Variants in SMURF2 observed in about 807,000 individuals in gnomAD.
SMURF2 encodes the protein E3 ubiquitin-protein ligase SMURF2.
In SMURF2, 48 loss-of-function variants were observed where a neutral mutation model predicts 109.6. The ratio of observed to expected loss-of-function variants is 0.44; its 90% confidence interval spans 0.35 to 0.56. The LOEUF is 0.56. SMURF2 is among the 20% of genes least tolerant of loss of function. The pLI is 0.01. For synonymous variants in SMURF2, 288 were observed against 317.1 expected (o/e 0.91, Z 0.97); for missense variants, 575 against 909.0 (o/e 0.63, Z 4.72).
chr17:64,653,906 G>C (rs1598318998), intron 1 of SMURF2, among the ~76,000 whole-genome samples: 2 of 152,212 alleles, frequency 1.3e-5, no homozygotes, highest in East Asian at 3.9e-4. Flanking sequence ...GGAATGAAAA[G>C]GAACAAAGTA....
chr17:64,590,315 G>T (rs9915866), intron 5 of SMURF2, among the ~76,000 whole-genome samples: 8,010 of 151,570 alleles, frequency 0.053, 365 homozygotes, highest in African/African-American at 0.12. Context: ...CTCATTTTTT[G>T]TATTTTTAGT....
intron 2 of SMURF2, among the ~76,000 whole-genome samples, chr17:64,602,868 T>A (rs1969916768): frequency 1.3e-5 from 2 of 151,820 alleles, no homozygotes; most frequent in African/African-American, 4.8e-5. Flanking sequence ...GAGGTTGCAG[T>A]GAGTCGAGAT....
intron 10 of SMURF2, among the ~76,000 whole-genome samples, chr17:64,563,524 A>G (rs1292222795): frequency 6.6e-6 from 1 of 152,252 alleles, no homozygotes; most frequent in Non-Finnish European, 1.5e-5. Flanking sequence ...AAAACAGATT[A>G]CCGTGTACAT....
At chr17:64,655,430 G>A (rs1164217388) in intron 1 of SMURF2, among the ~76,000 whole-genome samples, 1 of 150,652 alleles carries the variant, frequency 6.6e-6, no homozygotes, top group African/African-American at 2.4e-5. Context: ...ACTAATTTTT[G>A]TATTATTAGT....
At chr17:64,630,844 T>G (rs1970329038) in intron 1 of SMURF2, among the ~76,000 whole-genome samples, 1 of 152,114 alleles carries the variant, frequency 6.6e-6, no homozygotes, top group South Asian at 2.1e-4. Context: ...GCCCTACTTT[T>G]CAACCAGCAC....
At chr17:64,644,455 G>A (rs955875893) in intron 1 of SMURF2, among the ~76,000 whole-genome samples, 3 of 150,816 alleles carry the variant, frequency 2.0e-5, no homozygotes, top group Non-Finnish European at 4.4e-5. Context: ...AATTAGCCAA[G>A]TATGGTGGCA....
chr17:64,547,821 T>A lies in SMURF2; in HGVS notation c.1870-20A>T, dbSNP rs141901854. ...AATGAGCTGTGAAAATAGTACACAG[T>A]AATGAACCTGTGGAAACCACAGCCA... On this transcript the variant is annotated intron_variant, in intron 16 of 18. Transcript: ENST00000262435. This position sits in a 1 kb window ranked among gnomAD's most constrained non-coding sequence, Gnocchi z 4.2. 1 of 1,611,242 alleles carries A rather than the reference T, an allele frequency of 6.2e-7. No individual in the cohort carries two copies. Among genetic ancestry groups the A allele is most frequent in the Non-Finnish European group, 8.5e-7 (1 of 1,177,502 alleles).
intron 3 of SMURF2, 94 bp downstream of exon 3, chr17:64,598,288 G>T: frequency 8.9e-7 from 1 of 1,128,498 alleles, no homozygotes; most frequent in Non-Finnish European, 1.2e-6. Context: ...TTATACCACA[G>T]ATGAAACCCA....
rs201869437 is a variant in SMURF2, at chr17:64,552,357, GA to G, written c.1749-654del. Among the ~76,000 whole-genome samples the G allele has an allele frequency of 4.2e-3, 639 of 152,250 alleles. 10 individuals are homozygous for G. The highest frequency in any genetic ancestry group is 0.034 in the Admixed American group (518 of 15,282). ...GAATTGTTTTTATTTATCTACCCAA[GA>G]AAACTTCTCCATCTCATGCATCACA... On this transcript the variant is annotated intron_variant, in intron 15 of 18. Transcript: ENST00000262435.
chr17:64,658,256 C>T (rs1442071084), intron 1 of SMURF2, among the ~76,000 whole-genome samples: 52 of 152,136 alleles, frequency 3.4e-4, no homozygotes, highest in South Asian at 2.1e-4. Flanking sequence ...ACTCGGGAGG[C>T]TGAGGCAGGA....
rs782546981 is a variant in SMURF2, at chr17:64,545,890, CAGCTTTTCATAT to C, written c.2193_2204del (p.Tyr732_Leu735del). The C allele has an allele frequency of 3.1e-6, 5 of 1,612,742 alleles. No individual in the cohort carries two copies. Among genetic ancestry groups the C allele is most frequent in the South Asian group, 1.1e-5 (1 of 91,046 alleles). On this transcript the variant is annotated inframe_deletion, in exon 19 of 19. Transcript: ENST00000262435. Reference sequence around the variant, plus strand: ...CACATGTTTCTTCAATGGCTGTTAGCAGCTTTTCATATAGCTTTTCATAGCTTTCATAGGGTG... The same window carrying C: ...CACATGTTTCTTCAATGGCTGTTAGCAGCTTTTCATAGCTTTCATAGGGTG...
rs782057854 is a variant in SMURF2, at chr17:64,576,873, CTTTTTTTTTTTTTTT to C, written c.857+1604_857+1618del. On this transcript the variant is annotated intron_variant, in intron 9 of 18. Transcript: ENST00000262435. The stretch of plus-strand genomic sequence containing the variant: ...CCCAGGTCAATTTTCTTTTTCTATC[CTTTTTTTTTTTTTTT>C]TTTTTTTTTTTGAGACGGGTCTCGT... 5.9e-3 allele frequency among the ~76,000 whole-genome samples: 479 copies of C among 81,544 alleles called. 3 individuals carry two copies. The highest frequency in any genetic ancestry group is 0.028 in the African/African-American group (461 of 16,368). 53.5% of individuals were successfully genotyped at this position (81,544 alleles called of 152,430 possible).
intron 1 of SMURF2, among the ~76,000 whole-genome samples, chr17:64,631,380 A>G (rs1555691588): frequency 6.6e-6 from 1 of 151,014 alleles, no homozygotes; most frequent in African/African-American, 2.4e-5. Context: ...ACAAGAGCAG[A>G]CTACTCTTTG....
At chr17:64,573,593 A>C (rs1390760408) in intron 9 of SMURF2, among the ~76,000 whole-genome samples, 4 of 152,080 alleles carry the variant, frequency 2.6e-5, no homozygotes, top group Non-Finnish European at 5.9e-5. Flanking sequence ...AAGTTCCAAG[A>C]ATTCTCCTCA....
intron 1 of SMURF2, among the ~76,000 whole-genome samples, chr17:64,661,075 A>ACC (rs550347856): frequency 1.3e-5 from 2 of 150,880 alleles, no homozygotes; most frequent in African/African-American, 4.9e-5. Flanking sequence ...TTAGCAATGC[A>ACC]CCCCCCCCAA....
chr17:64,606,696 C>T, intron 1 of SMURF2, 56 bp from the exon 2 acceptor site: 1 of 1,269,248 alleles, frequency 7.9e-7, no homozygotes. Context: ...TAAGAGTGTA[C>T]TGTTACATTT....
intron 1 of SMURF2, among the ~76,000 whole-genome samples, chr17:64,623,652 G>T (rs1355914334): frequency 6.6e-6 from 1 of 152,138 alleles, no homozygotes; most frequent in Non-Finnish European, 1.5e-5. Context: ...CTATAATGGC[G>T]TATTGCCATT....
chr17:64,578,615 A>T (rs371503163), intron 8 of SMURF2, 39 bp from the exon 9 acceptor site: 151 of 1,398,714 alleles, frequency 1.1e-4, no homozygotes, highest in Non-Finnish European at 1.5e-4. Context: ...AAACATTCAG[A>T]GTGTCCAGAT....
In SMURF2 at chr17:64,561,538, A is replaced by C; in HGVS notation, c.1278T>G (p.Phe426Leu). 6.2e-7 allele frequency: 1 copy of C among 1,614,062 alleles called. No individual in the cohort carries two copies. The highest frequency in any genetic ancestry group is 8.5e-7 in the Non-Finnish European group (1 of 1,180,016). ...KDLWKRLMIK[F>L]RGEEGLDYGG... The stretch of plus-strand genomic sequence containing the variant: ...CATAGTCAAGGCCTTCTTCTCCACG[A>C]AATTTTATCATTAATCGCTTCCAGA... The change falls in exon 12 of 19, where the codon TTT becomes TTG. Residue 426 changes from phenylalanine (F) to leucine (L), a missense_variant. Coordinates refer to ENST00000262435, the MANE Select transcript of SMURF2 (RefSeq NM_022739.4).
Sources: gnomAD v4.1 joint callset for allele counts (sites outside exome capture counted in the v4.1 genomes callset) on GRCh38, gnomAD v4.1.1 for gene constraint, Gnocchi (gnomAD v3.1) non-coding constraint, MANE v1.5 for transcripts, NCBI Gene and HGNC (gene_info 2026-07-23, HGNC 2026-07-21) for gene names.